KAZN: variants seen among roughly 807,000 people sequenced by gnomAD.
The protein encoded by KAZN is kazrin, periplakin interacting protein, also known as kazrin.
Under a neutral mutation model 87.4 loss-of-function variants are expected in KAZN, and 40 were observed. The ratio of observed to expected loss-of-function variants is 0.46; its 90% CI spans 0.36 to 0.60. The LOEUF is 0.60. KAZN is among the 20% of genes least tolerant of loss of function. The probability of loss-of-function intolerance (pLI) is 0.00; values close to 1 mark genes in which losing one functional copy is unlikely to be tolerated. For missense variants in KAZN, 898 were observed against 1,073.9 expected (o/e 0.84, Z 2.29); for synonymous variants, 466 against 458.3 (o/e 1.02, Z -0.22).
chr1:14,197,369 T>TA (rs34028778), intron 2 of KAZN, among the ~76,000 whole-genome samples: 8 of 132,186 alleles, frequency 6.1e-5, no homozygotes, highest in Admixed American at 2.4e-4. Context: ...TCTTTTAAAT[T>TA]AAAAAAAAAG....
At chr1:14,236,550 T>G (rs1648438925) in intron 2 of KAZN, among the ~76,000 whole-genome samples, 1 of 152,230 alleles carries the variant, frequency 6.6e-6, no homozygotes, top group African/African-American at 2.4e-5. Flanking sequence ...AGCTCTGTTC[T>G]GCTTCATCCA....
intron 1 of KAZN, among the ~76,000 whole-genome samples, chr1:14,932,061 G>C (rs1271432177): frequency 2.6e-5 from 4 of 152,146 alleles, no homozygotes; most frequent in Admixed American, 2.6e-4. Flanking sequence ...CCCGGCTCCA[G>C]GCTGCCCACC....
chr1:14,353,749 T>C (rs1658758608), intron 2 of KAZN, among the ~76,000 whole-genome samples: 1 of 152,230 alleles, frequency 6.6e-6, no homozygotes, highest in Admixed American at 6.5e-5. Context: ...GATCTTTCAA[T>C]TGAAAATTAT....
intron 1 of KAZN, among the ~76,000 whole-genome samples, chr1:14,693,279 T>C (rs950259393): frequency 7.2e-5 from 11 of 152,136 alleles, no homozygotes; most frequent in Non-Finnish European, 1.0e-4. Context: ...GAGGCAGTTG[T>C]TTCTCCCGGC....
At chr1:15,076,695 G>C (rs1409948748) in intron 8 of KAZN, among the ~76,000 whole-genome samples, 2 of 152,186 alleles carry the variant, frequency 1.3e-5, no homozygotes, top group East Asian at 3.9e-4. Context: ...TGGGCCCCTG[G>C]GAATCTTGAG....
intron 1 of KAZN, among the ~76,000 whole-genome samples, chr1:14,074,542 C>G (rs1019152085): frequency 6.6e-6 from 1 of 152,064 alleles, no homozygotes; most frequent in Non-Finnish European, 1.5e-5. Context: ...ATTCTGGGGT[C>G]CCGGGTACTT....
intron 2 of KAZN, among the ~76,000 whole-genome samples, chr1:14,484,527 G>A (rs1669247770): frequency 1.3e-5 from 2 of 152,152 alleles, no homozygotes; most frequent in Non-Finnish European, 1.5e-5. Flanking sequence ...CCAAGTATAA[G>A]AAAAAAGTAA....
At chr1:14,280,437 T>A (rs541282486) in intron 2 of KAZN, among the ~76,000 whole-genome samples, 1 of 143,862 alleles carries the variant, frequency 7.0e-6, no homozygotes, top group African/African-American at 2.6e-5. Context: ...CAATCCGATA[T>A]GACTGGTGTC....
At chr1:15,026,435 G>T (rs1170233108) in intron 2 of KAZN, among the ~76,000 whole-genome samples, 2 of 152,172 alleles carry the variant, frequency 1.3e-5, no homozygotes, top group African/African-American at 4.8e-5. Context: ...AGGTCTGTTG[G>T]GATTTCAGAA....
chr1:15,109,902 T>A (rs1641445481), intron 13 of KAZN, among the ~76,000 whole-genome samples: 1 of 151,714 alleles, frequency 6.6e-6, no homozygotes, highest in Non-Finnish European at 1.5e-5. Context: ...TGTGTATATG[T>A]GTTTGTGTAT....
At chr1:14,238,196 A>C (rs1648602132) in intron 2 of KAZN, among the ~76,000 whole-genome samples, 1 of 152,170 alleles carries the variant, frequency 6.6e-6, no homozygotes, top group South Asian at 2.1e-4. Flanking sequence ...AAATGAGATA[A>C]TCTAGGTAAG....
intron 1 of KAZN, among the ~76,000 whole-genome samples, chr1:14,699,197 TC>T (rs2148800544): frequency 6.6e-6 from 1 of 152,356 alleles, no homozygotes; most frequent in South Asian, 2.1e-4. Context: ...TTTAGCTGGC[TC>T]CTGGGAGAGC....
chr1:13,985,568 AG>A (rs1297150910), intron 1 of KAZN, among the ~76,000 whole-genome samples: 5 of 72,516 alleles, frequency 6.9e-5, no homozygotes, highest in Non-Finnish European at 9.9e-5. Context: ...GGGTGGGGGG[AG>A]GGGGGAGGGA....
At chr1:15,031,822 G>T (rs145075169) in intron 2 of KAZN, among the ~76,000 whole-genome samples, 2,316 of 152,144 alleles carry the variant, frequency 0.015, 32 homozygotes, top group Non-Finnish European at 0.025. Flanking sequence ...TGTCGTCCAG[G>T]CTAGTCTCGA....
intron 2 of KAZN, among the ~76,000 whole-genome samples, chr1:14,476,083 G>T (rs1037641397): frequency 6.6e-6 from 1 of 152,178 alleles, no homozygotes; most frequent in Non-Finnish European, 1.5e-5. Context: ...GTGCAGATGG[G>T]TCATCTGAGG....
chr1:14,798,675 C>G (rs1645909325), intron 1 of KAZN, among the ~76,000 whole-genome samples: 1 of 152,054 alleles, frequency 6.6e-6, no homozygotes, highest in Non-Finnish European at 1.5e-5. Flanking sequence ...ACCTCATGAT[C>G]CTCCCGCCTC....
chr1:14,261,861 T>A (rs905353841), intron 2 of KAZN, among the ~76,000 whole-genome samples: 3 of 152,124 alleles, frequency 2.0e-5, no homozygotes, highest in Non-Finnish European at 4.4e-5. Context: ...TTGCAAGGGC[T>A]CCATCTCAAC....
intron 2 of KAZN, among the ~76,000 whole-genome samples, chr1:14,518,178 CTT>C (rs141321203): frequency 7.7e-5 from 7 of 91,302 alleles, no homozygotes; most frequent in East Asian, 3.4e-4. Flanking sequence ...TTTTTGAAGG[CTT>C]TTTTTTTTTT....
intron 1 of KAZN, among the ~76,000 whole-genome samples, chr1:14,620,505 C>G (rs548083670): frequency 6.6e-6 from 1 of 152,170 alleles, no homozygotes; most frequent in Admixed American, 6.5e-5. Context: ...TTCCAGGGCT[C>G]GGCCAGGTCA....
Sources: gnomAD v4.1 joint callset for allele counts (sites outside exome capture counted in the v4.1 genomes callset) on GRCh38, gnomAD v4.1.1 for gene constraint, MANE v1.5 for transcripts, NCBI Gene and HGNC (gene_info 2026-07-23, HGNC 2026-07-21) for gene names.